The following SLC35F1 variants were observed in gnomAD, a reference collection of about 807,000 sequenced individuals.
SLC35F1 encodes the protein solute carrier family 35 member F1, also known as chromosome 6 open reading frame 169.
In SLC35F1, 14 loss-of-function variants were observed where a neutral mutation model predicts 48.7. The observed-to-expected ratio is 0.29, with a 90% CI of 0.19 to 0.45. SLC35F1 has a LOEUF of 0.45. Ranked by LOEUF, SLC35F1 falls within the 20% of genes least tolerant of loss-of-function variation. SLC35F1 has a pLI of 1.00. For missense variants in SLC35F1, 404 were observed against 500.0 expected (o/e 0.81, Z 1.83); for synonymous variants, 190 against 202.2 (o/e 0.94, Z 0.51).
At chr6:118,144,975 T>G (rs1314716292) in intron 1 of SLC35F1, among the ~76,000 whole-genome samples, 1 of 152,190 alleles carries the variant, frequency 6.6e-6, no homozygotes, top group African/African-American at 2.4e-5. Flanking sequence ...TATAATTTAC[T>G]TACCATACAA....
chr6:118,232,309 T>C (rs576041995), intron 2 of SLC35F1, among the ~76,000 whole-genome samples: 1 of 152,206 alleles, frequency 6.6e-6, no homozygotes, highest in African/African-American at 2.4e-5. Context: ...CCCAGCACTT[T>C]GGGAGGATGA....
At chr6:117,957,239 A>AT (rs960546003) in intron 1 of SLC35F1, among the ~76,000 whole-genome samples, 4 of 151,908 alleles carry the variant, frequency 2.6e-5, no homozygotes, top group South Asian at 2.1e-4. Flanking sequence ...ATTGATTCTA[A>AT]TTTTTTTTGG....
chr6:118,023,744 A>G (rs1026519474), intron 1 of SLC35F1, among the ~76,000 whole-genome samples: 3 of 152,182 alleles, frequency 2.0e-5, no homozygotes, highest in African/African-American at 7.2e-5. Context: ...TAAGCACAGT[A>G]TTCCTAAAAT....
At chr6:118,182,332 T>G (rs539202790) in intron 2 of SLC35F1, among the ~76,000 whole-genome samples, 1 of 151,796 alleles carries the variant, frequency 6.6e-6, no homozygotes, top group East Asian at 2.0e-4. Flanking sequence ...AAAATTTTTT[T>G]TTTTTTAGTT....
intron 1 of SLC35F1, among the ~76,000 whole-genome samples, chr6:118,119,495 C>CCCA (rs71782478): frequency 4.2e-4 from 4 of 9,470 alleles, no homozygotes; most frequent in Non-Finnish European, 1.8e-3. Flanking sequence ...ATAACCGGCG[C>CCCA]CCCCCCTCCA....
At chr6:118,270,827 C>T (rs186683017) in intron 4 of SLC35F1, among the ~76,000 whole-genome samples, 1 of 152,182 alleles carries the variant, frequency 6.6e-6, no homozygotes, top group Non-Finnish European at 1.5e-5. Context: ...AGATTCAGCA[C>T]CAGGACTTCT....
At chr6:118,206,362 T>C (rs1774935792) in intron 2 of SLC35F1, among the ~76,000 whole-genome samples, 1 of 152,140 alleles carries the variant, frequency 6.6e-6, no homozygotes, top group Non-Finnish European at 1.5e-5. Context: ...TTGGAGAAAG[T>C]ACTTTGGGGT....
intron 1 of SLC35F1, among the ~76,000 whole-genome samples, chr6:118,035,378 G>A (rs1229496892): frequency 6.6e-6 from 1 of 151,836 alleles, no homozygotes; most frequent in East Asian, 1.9e-4. Context: ...ATGCCAAGGT[G>A]AGCAGATCAC....
intron 2 of SLC35F1, among the ~76,000 whole-genome samples, chr6:118,214,065 T>G (rs188070572): frequency 6.6e-6 from 1 of 152,322 alleles, no homozygotes; most frequent in Non-Finnish European, 1.5e-5. Context: ...GTTTCAAAAC[T>G]AAATGTTTTC....
chr6:118,087,554 C>G (rs993827855), intron 1 of SLC35F1, among the ~76,000 whole-genome samples: 1 of 152,084 alleles, frequency 6.6e-6, no homozygotes, highest in Non-Finnish European at 1.5e-5. Context: ...ATCAGCAAGT[C>G]ATTATGATTG....
chr6:117,958,315 C>T (rs1055605126), intron 1 of SLC35F1, among the ~76,000 whole-genome samples: 1 of 151,934 alleles, frequency 6.6e-6, no homozygotes, highest in East Asian at 1.9e-4. Context: ...AAGCTAATGT[C>T]CATTTGTTAT....
At chr6:117,999,159 C>T (rs916636736) in intron 1 of SLC35F1, 202 of 1,593,594 alleles carry the variant, frequency 1.3e-4, no homozygotes, top group Non-Finnish European at 1.7e-4. Flanking sequence ...GCCAACAATG[C>T]CAAGGCCATG....
chr6:118,158,859 T>A (rs1019802747), intron 2 of SLC35F1, among the ~76,000 whole-genome samples: 1 of 152,224 alleles, frequency 6.6e-6, no homozygotes, highest in African/African-American at 2.4e-5. Flanking sequence ...GAGCAAATTT[T>A]AAGTCTAGCC....
intron 1 of SLC35F1, among the ~76,000 whole-genome samples, chr6:118,047,032 T>G (rs1217424213): frequency 1.3e-5 from 2 of 152,160 alleles, no homozygotes; most frequent in Non-Finnish European, 2.9e-5. Context: ...TAAGTGAGCT[T>G]AGTATAAATC....
chr6:118,167,777 A>G (rs1248288621), intron 2 of SLC35F1, among the ~76,000 whole-genome samples: 3 of 152,120 alleles, frequency 2.0e-5, no homozygotes, highest in Non-Finnish European at 4.4e-5. Flanking sequence ...TAATTTCATT[A>G]TGATGTTATG....
intron 1 of SLC35F1, among the ~76,000 whole-genome samples, chr6:118,089,915 C>A (rs565227972): frequency 6.6e-6 from 1 of 152,064 alleles, no homozygotes; most frequent in Non-Finnish European, 1.5e-5. Flanking sequence ...GACTCAAAGC[C>A]GAAAAGCTAT....
At chr6:118,272,978 A>G (rs941346899) in intron 4 of SLC35F1, among the ~76,000 whole-genome samples, 1 of 151,526 alleles carries the variant, frequency 6.6e-6, no homozygotes, top group African/African-American at 2.4e-5. Flanking sequence ...TGTTTAATTA[A>G]CTAAATTTTA....
intron 1 of SLC35F1, among the ~76,000 whole-genome samples, chr6:118,060,800 C>G (rs182398151): frequency 6.6e-6 from 1 of 152,160 alleles, no homozygotes; most frequent in Non-Finnish European, 1.5e-5. Context: ...CCTCATAAGA[C>G]AGGGCTGCTC....
At chr6:118,189,162 C>G (rs1176548291) in intron 2 of SLC35F1, among the ~76,000 whole-genome samples, 1 of 152,142 alleles carries the variant, frequency 6.6e-6, no homozygotes, top group Non-Finnish European at 1.5e-5. Flanking sequence ...CCTCCTGCCT[C>G]GGCCTCCTAG....
Sources: gnomAD v4.1 joint callset for allele counts (sites outside exome capture counted in the v4.1 genomes callset) on GRCh38, gnomAD v4.1.1 for gene constraint, MANE v1.5 for transcripts, NCBI Gene and HGNC (gene_info 2026-07-23, HGNC 2026-07-21) for gene names.